The following SNX31 variants were observed in gnomAD, a reference collection of about 807,000 sequenced individuals.
SNX31 encodes the protein sorting nexin 31.
Under a neutral mutation model 65.4 loss-of-function variants are expected in SNX31, and 58 were observed. The ratio of observed to expected loss-of-function variants is 0.89; its 90% CI spans 0.72 to 1.10. The LOEUF (loss-of-function observed/expected upper bound fraction) is 1.10. Ranked by LOEUF, SNX31 falls within the 50% of genes least tolerant of loss-of-function variation. SNX31 has a pLI of 0.00. For synonymous variants in SNX31, 181 were observed against 190.1 expected, an observed-to-expected ratio of 0.95 and a Z score of 0.39; for missense variants, 523 against 529.7, an observed-to-expected ratio of 0.99 and a Z score of 0.12.
chr8:100,592,958 A>C (rs1814719240), intron 10 of SNX31, among the ~76,000 whole-genome samples: 1 of 152,196 alleles, frequency 6.6e-6, no homozygotes, highest in Non-Finnish European at 1.5e-5. Flanking sequence ...GTGTCCATTA[A>C]TATAAATTAT....
chr8:100,596,800 G>A lies in SNX31; in HGVS notation c.817C>T (p.Gln273Ter). 6.2e-7 allele frequency: 1 copy of A among 1,613,848 alleles called. No individual in the cohort carries two copies. Among genetic ancestry groups the A allele is most frequent in the Non-Finnish European group, 8.5e-7 (1 of 1,180,020 alleles). ...AREVRHYGYL[Q>*]LDPCTCDYPE... Reference sequence around the variant, plus strand: ...TAGTCACAGGTACAAGGATCCAGCTGCAGGTATCCATAGTGCCGTACCTCC... The same window carrying A: ...TAGTCACAGGTACAAGGATCCAGCTACAGGTATCCATAGTGCCGTACCTCC... The change falls in exon 10 of 14, where the codon CAG becomes TAG. Residue 273 changes from glutamine (Q) to a stop codon, truncating the protein, a stop_gained. Coordinates refer to ENST00000311812, the MANE Select transcript of SNX31 (RefSeq NM_152628.4). LOFTEE classifies it high-confidence loss of function.
chr8:100,650,045 C>T (rs1819914681), upstream of SNX31, among the ~76,000 whole-genome samples: 1 of 138,652 alleles, frequency 7.2e-6, no homozygotes, highest in South Asian at 2.5e-4. Context: ...CTTGTTTTTT[C>T]CCCTTAAAAT....
chr8:100,638,084 T>G (rs1818903604), intron 2 of SNX31, among the ~76,000 whole-genome samples: 2 of 152,148 alleles, frequency 1.3e-5, no homozygotes, highest in African/African-American at 4.8e-5. Flanking sequence ...GCAGGAGGGT[T>G]GCTTGAGCCC....
rs1240647378 is a variant in SNX31 at position 100,575,701 on chromosome 8, C to T, written c.1227+1318G>A. On this transcript the variant is annotated intron_variant, in intron 13 of 13. Transcript: ENST00000311812. The surrounding 1 kb of genome is among the most constrained non-coding windows in gnomAD (Gnocchi z 5.1). ...GAATTTGAATTTCTAATAAGATCCA[C>T]GTGATACAGATGCTGTTGGTCCAGG... 1.3e-5 allele frequency among the ~76,000 whole-genome samples: 2 copies of T among 152,154 alleles called. No homozygotes were observed. The highest frequency in any genetic ancestry group is 6.5e-5 in the Admixed American group (1 of 15,278).
intron 2 of SNX31, among the ~76,000 whole-genome samples, chr8:100,640,131 T>C (rs990886230): frequency 6.6e-6 from 1 of 152,124 alleles, no homozygotes; most frequent in Non-Finnish European, 1.5e-5. Flanking sequence ...TTTTCTTTTC[T>C]TTTCTTTTTT....
rs575844607 is a variant in SNX31 at position 100,596,796 on chromosome 8, A to G, written c.821T>C (p.Leu274Pro). 1.2e-6 allele frequency: 2 copies of G among 1,613,966 alleles called. No individual in the cohort carries two copies. Among genetic ancestry groups the G allele is most frequent in the African/African-American group, 2.7e-5 (2 of 74,928 alleles). The change falls in exon 10 of 14, where the codon CTG becomes CCG. Residue 274 changes from leucine (L) to proline (P), a missense_variant. By Grantham distance (98) the Leu-to-Pro change is moderately conservative. Coordinates refer to ENST00000311812, the MANE Select transcript of SNX31 (RefSeq NM_152628.4). ...TGGGTAGTCACAGGTACAAGGATCC[A>G]GCTGCAGGTATCCATAGTGCCGTAC... The part of the protein sequence containing the change: ...REVRHYGYLQ[L>P]DPCTCDYPES...
chr8:100,574,190 C>G (rs1189988756), intron 13 of SNX31, among the ~76,000 whole-genome samples: 6 of 152,220 alleles, frequency 3.9e-5, no homozygotes, highest in Non-Finnish European at 8.8e-5. Context: ...TATGTGTCCT[C>G]TGCATCTTTC....
At chr8:100,620,158 G>A (rs867786015) in intron 4 of SNX31, among the ~76,000 whole-genome samples, 30 of 152,306 alleles carry the variant, frequency 2.0e-4, no homozygotes, top group African/African-American at 6.3e-4. Context: ...CCTTCCAGGT[G>A]TCAGCATGTA....
At chr8:100,656,772 C>G (rs1331864666) in intron 1 of SNX31, among the ~76,000 whole-genome samples, 1 of 151,580 alleles carries the variant, frequency 6.6e-6, no homozygotes, top group East Asian at 1.9e-4. Flanking sequence ...GACCCTAAAC[C>G]ACTTTGGGAT....
At chr8:100,617,801 G>C (rs1586969341) in intron 4 of SNX31, 71 bp from the exon 5 acceptor site, 1 of 1,231,984 alleles carries the variant, frequency 8.1e-7, no homozygotes, top group East Asian at 2.4e-5. Context: ...GTCTCACTCT[G>C]TTGCCCAGGC....
upstream of SNX31, among the ~76,000 whole-genome samples, chr8:100,653,502 C>T (rs982664424): frequency 9.9e-5 from 15 of 152,188 alleles, no homozygotes; most frequent in Non-Finnish European, 1.6e-4. Flanking sequence ...GAGGAGAAGG[C>T]CACATGAAGA....
chr8:100,606,742 T>C (rs1331435272), intron 8 of SNX31, among the ~76,000 whole-genome samples: 1 of 152,208 alleles, frequency 6.6e-6, no homozygotes, highest in Non-Finnish European at 1.5e-5. Context: ...TAAACAAGTG[T>C]TGTTAAATTT....
chr8:100,617,207 C>A (rs191510398), intron 5 of SNX31, among the ~76,000 whole-genome samples: 3 of 152,162 alleles, frequency 2.0e-5, no homozygotes, highest in African/African-American at 4.8e-5. Flanking sequence ...AGAATAGGAA[C>A]CTTCAAGAAC....
intron 2 of SNX31, among the ~76,000 whole-genome samples, chr8:100,637,830 G>A (rs892674334): frequency 1.3e-5 from 2 of 152,040 alleles, no homozygotes; most frequent in African/African-American, 2.4e-5. Flanking sequence ...TGAGTAGCTG[G>A]GACTACAGGT....
rs947250068 is a variant in SNX31 at position 100,629,380 on chromosome 8, AGT to A, written c.321+945_321+946del. Reference sequence around the variant, plus strand: ...CAGCAAACTTTTCAAAGAATAGGAAAGTGTGTGTATATATAAACCATCAAGAA... The same window carrying A: ...CAGCAAACTTTTCAAAGAATAGGAAAGTGTGTATATATAAACCATCAAGAA... On this transcript the variant is annotated intron_variant, in intron 4 of 13. Transcript: ENST00000311812. The surrounding 1 kb of genome is among the most constrained non-coding windows in gnomAD (Gnocchi z 5.1). Among the ~76,000 whole-genome samples the A allele has an allele frequency of 6.6e-6, 1 of 152,212 alleles. No individual in the cohort carries two copies.
chr8:100,589,044 G>A (rs1814326522), intron 10 of SNX31, 65 bp from the exon 11 acceptor site: 1 of 1,296,426 alleles, frequency 7.7e-7, no homozygotes, highest in Non-Finnish European at 1.1e-6. Context: ...CGGGCACGGT[G>A]GCTCACACCT....
At chr8:100,636,236 T>C (rs1818765440) in intron 2 of SNX31, among the ~76,000 whole-genome samples, 2 of 152,244 alleles carry the variant, frequency 1.3e-5, no homozygotes, top group Non-Finnish European at 2.9e-5. Context: ...GACCGACAGC[T>C]CCAGTCTAAG....
At chr8:100,599,582 C>A (rs1019049050) in intron 9 of SNX31, among the ~76,000 whole-genome samples, 1 of 151,750 alleles carries the variant, frequency 6.6e-6, no homozygotes, top group African/African-American at 2.4e-5. Flanking sequence ...AAGGTCTGAG[C>A]CTTTGAGGAA....
chr8:100,611,960 G>A (rs536157324), intron 7 of SNX31, 40 bp downstream of exon 7: 275 of 1,498,340 alleles, frequency 1.8e-4, no homozygotes, highest in Non-Finnish European at 2.4e-4. Context: ...CAATGGCGAA[G>A]TGTCGTCAAA....
Sources: gnomAD v4.1 joint callset for allele counts (sites outside exome capture counted in the v4.1 genomes callset) on GRCh38, gnomAD v4.1.1 for gene constraint, Gnocchi (gnomAD v3.1) non-coding constraint, MANE v1.5 for transcripts, NCBI Gene and HGNC (gene_info 2026-07-23, HGNC 2026-07-21) for gene names.